The following GREM1 variants were observed in gnomAD, a reference collection of about 807,000 sequenced individuals.
GREM1 encodes gremlin 1, DAN family BMP antagonist, also known as gremlin-1.
Under a neutral mutation model 13.1 loss-of-function variants are expected in GREM1, and 6 were observed. The observed-to-expected ratio is 0.46, with a 90% CI of 0.25 to 0.91. The LOEUF (loss-of-function observed/expected upper bound fraction) is 0.91. Among genes scored for constraint, GREM1 ranks in the 40% least tolerant of loss-of-function variants. The pLI, the probability that GREM1 is intolerant of heterozygous loss-of-function variation, is 0.18. For synonymous variants in GREM1, 98 were observed against 93.7 expected, an observed-to-expected ratio of 1.05 and a Z score of -0.27; for missense variants, 185 against 233.9, an observed-to-expected ratio of 0.79 and a Z score of 1.36.
intron 1 of GREM1, among the ~76,000 whole-genome samples, chr15:32,720,246 G>T (rs765675751): frequency 6.6e-6 from 1 of 152,180 alleles, no homozygotes; most frequent in Non-Finnish European, 1.5e-5. Context: ...GTTGGCTAAT[G>T]CGGTCTTTAT....
Position 32,731,215 on chromosome 15 carries a change from G to C in GREM1, c.525G>C (p.Gln175His), listed in dbSNP as rs763336404. Residue 175 changes from glutamine (Q) to histidine (H), a missense_variant, in exon 2 of 2, where the codon CAG becomes CAC. Physicochemically the swap from Gln to His is conservative, Grantham distance 24. Coordinates refer to ENST00000651154, the MANE Select transcript of GREM1 (RefSeq NM_013372.7). ...AGAAGAGAGTCACACGTGTGAAGCA[G>C]TGTCGTTGCATATCCATCGATTTGG... is the stretch of plus-strand genomic sequence containing the variant. ...TKKKRVTRVK[Q>H]CRCISIDLD 1.9e-6 allele frequency: 3 copies of C among 1,613,942 alleles called. No individual in the cohort carries two copies. Among genetic ancestry groups the C allele is most frequent in the Non-Finnish European group, 2.5e-6 (3 of 1,179,988 alleles).
In GREM1 at chr15:32,740,416, A is replaced by G. The variant is rs2055751134; in HGVS notation, c.*9171A>G. 6.6e-6 allele frequency: 1 copy of G among 152,204 alleles called. No individual in the cohort carries two copies. The highest frequency in any genetic ancestry group is 1.5e-5 in the Non-Finnish European group (1 of 68,034). 9.4% of individuals were successfully genotyped at this position (152,204 alleles called of 1,614,324 possible). A position where few individuals can be genotyped will look rare whatever the true frequency, so the allele number is the denominator to read the frequency against. On this transcript the variant is annotated 3_prime_UTR_variant, in exon 2 of 2. Transcript: ENST00000651154. ...AGATAGAGTATATTTAAAAGTACCA[A>G]AAAGAAATGGAACTGAAGAACACAA... is the stretch of plus-strand genomic sequence containing the variant.
intron 1 of GREM1, chr15:32,718,680 G>A: frequency 2.8e-6 from 1 of 357,558 alleles, no homozygotes; most frequent in South Asian, 2.1e-5. Flanking sequence ...AATCCATGAT[G>A]TGTGCATTTG....
chr15:32,731,476 T>G lies in GREM1; in HGVS notation c.*231T>G. ...TCTCTGCTAGAGAGCACTCCCTATT[T>G]TGTAAACATATCTGCTTTAATGGGG... On this transcript the variant is annotated 3_prime_UTR_variant, in exon 2 of 2. Transcript: ENST00000651154. 1 of 576,900 alleles carries G rather than the reference T, an allele frequency of 1.7e-6. No individual in the cohort carries two copies. Among genetic ancestry groups the G allele is most frequent in the Non-Finnish European group, 3.1e-6 (1 of 318,440 alleles). The allele number at this position is 576,900 out of a possible 1,614,324, so 35.7% of individuals were successfully genotyped here.
rs930473687 is a variant in GREM1, at chr15:32,738,289, C to T, written c.*7044C>T. 3.3e-5 allele frequency: 5 copies of T among 151,562 alleles called. No individual in the cohort carries two copies. The East Asian group carries it at 7.7e-4, about 23-fold the overall frequency. The allele number at this position is 151,562 out of a possible 1,614,324, so 9.4% of individuals were successfully genotyped here. On this transcript the variant is annotated 3_prime_UTR_variant, in exon 2 of 2. Transcript: ENST00000651154. ...GGTTGCAGGATACAAGATCAACATA[C>T]AGATATAAATTGTATTCTACACACT...
chr15:32,729,804 T>A (rs1180965392), intron 1 of GREM1, among the ~76,000 whole-genome samples: 1 of 152,136 alleles, frequency 6.6e-6, no homozygotes, highest in Non-Finnish European at 1.5e-5. Flanking sequence ...CACATGTGAA[T>A]GACATATTTC....
At chr15:32,725,894 A>C (rs1056571635) in intron 1 of GREM1, among the ~76,000 whole-genome samples, 1 of 152,180 alleles carries the variant, frequency 6.6e-6, no homozygotes, top group African/African-American at 2.4e-5. Flanking sequence ...TAAATAGGGA[A>C]TCCTTTCCCC....
In GREM1 at chr15:32,733,467, G is replaced by A; in HGVS notation, c.*2222G>A. ...TGGCAGCAGTAATCTTCTTTTAGGA[G>A]CTTGTACCACAGTCTTGCACATAAG... On this transcript the variant is annotated 3_prime_UTR_variant, in exon 2 of 2. Coordinates refer to ENST00000651154, the MANE Select transcript of GREM1 (RefSeq NM_013372.7). 4.3e-6 allele frequency: 1 copy of A among 231,924 alleles called. No homozygotes were observed. The highest frequency in any genetic ancestry group is 9.3e-6 in the Non-Finnish European group (1 of 107,844). The allele number at this position is 231,924 out of a possible 1,614,324, so 14.4% of individuals were successfully genotyped here.
intron 1 of GREM1, among the ~76,000 whole-genome samples, chr15:32,724,783 T>C (rs772371391): frequency 6.6e-5 from 10 of 152,060 alleles, no homozygotes; most frequent in Non-Finnish European, 1.0e-4. Context: ...TGCTACCCCT[T>C]CCCTAGCCCC....
At chr15:32,726,115 T>C (rs932021300) in intron 1 of GREM1, among the ~76,000 whole-genome samples, 34 of 152,192 alleles carry the variant, frequency 2.2e-4, no homozygotes, top group Non-Finnish European at 4.4e-5. Flanking sequence ...CTATATGGGC[T>C]CTTTTTTGGT....
At position 32,730,884 on chromosome 15, in the gene GREM1, G is replaced by A; in HGVS notation, c.194G>A (p.Gly65Asp). 1.9e-6 allele frequency: 3 copies of A among 1,613,410 alleles called. No homozygotes were observed. Among genetic ancestry groups the A allele is most frequent in the Non-Finnish European group, 2.5e-6 (3 of 1,179,732 alleles). Residue 65 changes from glycine to aspartate, a missense_variant, in exon 2 of 2, where the codon GGC becomes GAC. Physicochemically the swap from Gly to Asp is moderately conservative, Grantham distance 94. Coordinates refer to ENST00000651154, the MANE Select transcript of GREM1 (RefSeq NM_013372.7). ...AACCGGGGGCGGGGCCAAGGGCGGGGCACTGCCATGCCCGGGGAGGAGGTG... is the reference window on the plus strand; with the variant it reads ...AACCGGGGGCGGGGCCAAGGGCGGGACACTGCCATGCCCGGGGAGGAGGTG... ...SRNRGRGQGR[G>D]TAMPGEEVLE...
At chr15:32,720,808 G>A (rs1409680665) in intron 1 of GREM1, among the ~76,000 whole-genome samples, 1 of 152,220 alleles carries the variant, frequency 6.6e-6, no homozygotes, top group Non-Finnish European at 1.5e-5. Context: ...AGCACTGGGT[G>A]TCAATAGGAC....
rs1401562983 is a variant in GREM1 at position 32,741,283 on chromosome 15, A to C, written c.*10038A>C. On this transcript the variant is annotated 3_prime_UTR_variant, in exon 2 of 2. Transcript: ENST00000651154. ...CAGAACAGAGAAAGTGATTTCAGCT[A>C]TAAATATAGGAGATAATAAAATCCT... 1 of 152,208 alleles carries C rather than the reference A, an allele frequency of 6.6e-6. No individual in the cohort carries two copies. The highest frequency in any genetic ancestry group is 1.5e-5 in the Non-Finnish European group (1 of 68,028). The allele number at this position is 152,208 out of a possible 1,614,324, so 9.4% of individuals were successfully genotyped here. A position where few individuals can be genotyped will look rare whatever the true frequency, so the allele number is the denominator to read the frequency against.
chr15:32,737,309 A>G lies in GREM1; in HGVS notation c.*6064A>G, dbSNP rs1479163574. 6.6e-6 allele frequency: 1 copy of G among 152,200 alleles called. No individual in the cohort carries two copies. Among genetic ancestry groups the G allele is most frequent in the Non-Finnish European group, 1.5e-5 (1 of 68,036 alleles). 9.4% of individuals were successfully genotyped at this position (152,200 alleles called of 1,614,324 possible). A position where few individuals can be genotyped will look rare whatever the true frequency, so the allele number is the denominator to read the frequency against. On this transcript the variant is annotated 3_prime_UTR_variant, in exon 2 of 2. Transcript: ENST00000651154. ...TTACCTTGATACCAAATTCTGACAA[A>G]TACATCAAAAATAAAACCATAGACC...
In GREM1 at chr15:32,741,046, G is replaced by A. The variant is rs2055757456; in HGVS notation, c.*9801G>A. The A allele has an allele frequency of 6.6e-6, 1 of 152,146 alleles. No individual in the cohort carries two copies. The highest frequency in any genetic ancestry group is 6.5e-5 in the Admixed American group (1 of 15,282). The allele number at this position is 152,146 out of a possible 1,614,324, so 9.4% of individuals were successfully genotyped here. ...GGGGGAAAGTAGTTGAAAAAAAATA[G>A]TTGTAAGGAAAAGAGATACAAGGAG... On this transcript the variant is annotated 3_prime_UTR_variant, in exon 2 of 2. Coordinates refer to ENST00000651154, the MANE Select transcript of GREM1 (RefSeq NM_013372.7).
chr15:32,729,913 C>T (rs1482637477), intron 1 of GREM1, among the ~76,000 whole-genome samples: 1 of 152,176 alleles, frequency 6.6e-6, no homozygotes, highest in Non-Finnish European at 1.5e-5. Flanking sequence ...GGTGAAGCCT[C>T]ATGAGTCACG....
chr15:32,733,201 CCA>C lies in GREM1; in HGVS notation c.*1958_*1959del, dbSNP rs2055650480. On this transcript the variant is annotated 3_prime_UTR_variant, in exon 2 of 2. Transcript: ENST00000651154. Reference sequence around the variant, plus strand: ...TGTGTTTTGTATACACTGTATGACCCCACCCCAAATCTTTGTATTGTCCACAT... The same window carrying C: ...TGTGTTTTGTATACACTGTATGACCCCCCCAAATCTTTGTATTGTCCACAT... 1 of 227,406 alleles carries C rather than the reference CCA, an allele frequency of 4.4e-6. No homozygotes were observed. Among genetic ancestry groups the C allele is most frequent in the East Asian group, 7.0e-5 (1 of 14,230 alleles). 14.1% of individuals were successfully genotyped at this position (227,406 alleles called of 1,614,324 possible). A position where few individuals can be genotyped will look rare whatever the true frequency, so the allele number is the denominator to read the frequency against.
rs1359521440 is a variant in GREM1 at position 32,743,326 on chromosome 15, T to G, written c.*12081T>G. The G allele has an allele frequency of 1.3e-5, 2 of 152,242 alleles. No homozygotes were observed. The highest frequency in any genetic ancestry group is 4.8e-5 in the African/African-American group (2 of 41,464). 9.4% of individuals were successfully genotyped at this position (152,242 alleles called of 1,614,324 possible). A position where few individuals can be genotyped will look rare whatever the true frequency, so the allele number is the denominator to read the frequency against. ...CCTTTCCCAGGTATATGGATGAAACTATCTGAAGGATGAAGCCTCCATTCA... is the reference window on the plus strand; with the variant it reads ...CCTTTCCCAGGTATATGGATGAAACGATCTGAAGGATGAAGCCTCCATTCA... On this transcript the variant is annotated 3_prime_UTR_variant, in exon 2 of 2. Coordinates refer to ENST00000651154, the MANE Select transcript of GREM1 (RefSeq NM_013372.7).
intron 1 of GREM1, chr15:32,718,744 C>G: frequency 3.1e-6 from 1 of 324,472 alleles, no homozygotes. Flanking sequence ...TGTGTTCAGC[C>G]ACAGCGGAAA....
Sources: allele counts gnomAD v4.1 joint callset (sites outside exome capture counted in the v4.1 genomes callset), GRCh38; gene constraint gnomAD v4.1.1; transcripts MANE v1.5; gene names NCBI Gene and HGNC (gene_info 2026-07-23, HGNC 2026-07-21).